The following COL2A1 variants were observed in gnomAD, a reference collection of about 807,000 sequenced individuals.
The protein encoded by COL2A1 is collagen alpha-1(II) chain.
Under a neutral mutation model 204.5 loss-of-function variants are expected in COL2A1, and 28 were observed. That is an observed-to-expected ratio of 0.14 (90% CI 0.10 to 0.19). COL2A1 has a LOEUF of 0.19. Among genes scored for constraint, COL2A1 ranks in the 10% least tolerant of loss-of-function variants. The pLI is 1.00. For missense variants in COL2A1, 1,388 were observed against 2,027.5 expected (o/e 0.68, Z 6.06); for synonymous variants, 708 against 718.7 (o/e 0.99, Z 0.24).
chr12:47,974,391 G>T, intron 52 of COL2A1, 60 bp from the exon 53 acceptor site: 2 of 1,598,082 alleles, frequency 1.3e-6, no homozygotes, highest in Non-Finnish European at 1.7e-6. Flanking sequence ...GGGACCAGGG[G>T]CTGTAGGGGC....
In COL2A1 at chr12:47,997,689, C is replaced by T. The variant is rs762532133; in HGVS notation, c.448G>A (p.Gly150Ser). The T allele has an allele frequency of 6.2e-7, 1 of 1,613,868 alleles. No individual in the cohort carries two copies. The highest frequency in any genetic ancestry group is 2.2e-5 in the East Asian group (1 of 44,880). Reference protein sequence around the residue: ...KGEKGAPGPRGRDGEPGTPGN... With the variant: ...KGEKGAPGPRSRDGEPGTPGN... Reference sequence around the variant, plus strand: ...GGGGTCCCAGGTTCTCCATCTCTGCCACGAGGTCCAGGGGCACCCTTGGCA... The same window carrying T: ...GGGGTCCCAGGTTCTCCATCTCTGCTACGAGGTCCAGGGGCACCCTTGGCA... The change falls in exon 7 of 54, where the codon GGC becomes AGC. Residue 150 changes from glycine to serine, a missense_variant. Physicochemically the swap from Gly to Ser is moderately conservative, Grantham distance 56 (BLOSUM62 0). Coordinates refer to ENST00000380518, the MANE Select transcript of COL2A1 (RefSeq NM_001844.5).
rs560149744 is a variant in COL2A1 at position 47,987,090 on chromosome 12, C to T, written c.1353G>A (p.Pro451=). Residue 451 remains proline (P), a synonymous_variant, in exon 21 of 54, where the codon CCG becomes CCA. Transcript: ENST00000380518. This position sits in a 1 kb window ranked among gnomAD's most constrained non-coding sequence, Gnocchi z 4.1. Reference sequence around the variant, plus strand: ...TTTGGGCTCTTACCGTCTGACCTTTCGGGCCCAGAGGACCAGTTGCACCTT... The same window carrying T: ...TTTGGGCTCTTACCGTCTGACCTTTTGGGCCCAGAGGACCAGTTGCACCTT... ...GPQGATGPLG[P]KGQTGEPGIA... The T allele has an allele frequency of 4.5e-5, 72 of 1,614,042 alleles. 1 individual carries two copies. The South Asian group carries it at 7.4e-4, about 16-fold the overall frequency.
chr12:47,993,925 G>A (rs751519793), intron 13 of COL2A1, 63 bp from the exon 14 acceptor site: 28 of 1,610,330 alleles, frequency 1.7e-5, no homozygotes, highest in African/African-American at 4.0e-5. Context: ...AGAAATGCAC[G>A]CACCCCAAAG....
chr12:47,998,293 C>G, intron 3 of COL2A1, 92 bp from the exon 4 acceptor site: 7 of 1,568,086 alleles, frequency 4.5e-6, no homozygotes, highest in Non-Finnish European at 6.1e-6. Context: ...TTGAGGTACC[C>G]TCTGAAACAG....
rs1211703234 is a variant in COL2A1, at chr12:47,992,802, G to A, written c.1023+76C>T. On this transcript the variant is annotated intron_variant, in intron 16 of 53. Coordinates refer to ENST00000380518, the MANE Select transcript of COL2A1 (RefSeq NM_001844.5). ...TCCCTATGCCTCACAGGGTTGTTTC[G>A]AGGGTCAAGAGAAACAAACCTGTAA... 1.5e-5 allele frequency: 23 copies of A among 1,485,046 alleles called. 1 individual carries two copies. The highest frequency in any genetic ancestry group is 2.3e-5 in the East Asian group (1 of 44,210). The allele number at this position is 1,485,046 out of a possible 1,614,324, so 92.0% of individuals were successfully genotyped here. A position where few individuals can be genotyped will look rare whatever the true frequency, so the allele number is the denominator to read the frequency against.
At chr12:47,998,251 C>T (rs770374445) in intron 3 of COL2A1, 50 bp from the exon 4 acceptor site, 2 of 1,613,156 alleles carry the variant, frequency 1.2e-6, no homozygotes, top group East Asian at 4.5e-5. Flanking sequence ...CCACTAAGCC[C>T]CTAGTCTAAA....
At chr12:47,985,468 T>C (rs778787181) in intron 26 of COL2A1, 66 bp downstream of exon 26, 7 of 1,537,430 alleles carry the variant, frequency 4.6e-6, no homozygotes, top group Non-Finnish European at 6.3e-6. Flanking sequence ...ACTCCATCTC[T>C]CTTTTCCCTT....
Position 47,999,569 on chromosome 12 carries a change from T to G in COL2A1, c.292+350A>C, listed in dbSNP as rs533614922. 1.4e-4 allele frequency: 38 copies of G among 270,632 alleles called. No individual in the cohort carries two copies. In the South Asian group the frequency reaches 1.7e-3, roughly 12 times the overall value. The allele number at this position is 270,632 out of a possible 1,614,324, so 16.8% of individuals were successfully genotyped here. ...GCAGAGGAGGAATTAATTCGTGGAT[T>G]GGCCAGACAGAGCATTTGATCTCCA... On this transcript the variant is annotated intron_variant, in intron 2 of 53. Transcript: ENST00000380518.
At chr12:47,983,895 C>T in intron 29 of COL2A1, 159 bp from the exon 30 acceptor site, 1 of 932,628 alleles carries the variant, frequency 1.1e-6, no homozygotes, top group Non-Finnish European at 1.7e-6. Context: ...CCATCAGCCA[C>T]CCACACTCCT....
At chr12:48,000,407 A>G (rs1054525825) in intron 1 of COL2A1, among the ~76,000 whole-genome samples, 9 of 152,180 alleles carry the variant, frequency 5.9e-5, no homozygotes, top group African/African-American at 2.2e-4. Context: ...ACTATACTAT[A>G]TTCTCTTTAC....
rs1635559 is a variant in COL2A1 at position 47,975,585 on chromosome 12, T to C, written c.3618A>G (p.Gly1206=). ...TGPAGPPGNP[G]PPGPPGPPGP... ...CAGGGGGACCTGGAGGACCAGGGGG[T>C]CCAGGATTTCCAGGAGGACCCTGCA... Residue 1206 remains glycine, a synonymous_variant, in exon 51 of 54, where the codon GGA becomes GGG. Coordinates refer to ENST00000380518, the MANE Select transcript of COL2A1 (RefSeq NM_001844.5). 2 of 1,600,018 alleles carry C rather than the reference T, an allele frequency of 1.2e-6. No homozygotes were observed. The highest frequency in any genetic ancestry group is 1.7e-6 in the Non-Finnish European group (2 of 1,179,714).
chr12:47,974,037 G>A, intron 53 of COL2A1, 52 bp downstream of exon 53: 1 of 1,613,742 alleles, frequency 6.2e-7, no homozygotes, highest in East Asian at 2.2e-5. Flanking sequence ...CCTCAGCCCT[G>A]CTCCAGGCGG....
chr12:48,004,537 C>T (rs1488383380), upstream of COL2A1: 12 of 488,092 alleles, frequency 2.5e-5, no homozygotes, highest in East Asian at 4.2e-4. Context: ...CTGGCGAACT[C>T]GCCCAAACCG....
rs1652197741 is a variant in COL2A1, at chr12:47,987,058, G to A, written c.1365+20C>T. On this transcript the variant is annotated intron_variant, in intron 21 of 53. Transcript: ENST00000380518. This position sits in a 1 kb window ranked among gnomAD's most constrained non-coding sequence, Gnocchi z 4.1. ...CTCCAGAGATGTCAGTGGAACTTGGGGGTCACTTTGGGCTCTTACCGTCTG... is the reference window on the plus strand; with the variant it reads ...CTCCAGAGATGTCAGTGGAACTTGGAGGTCACTTTGGGCTCTTACCGTCTG... 4 of 1,610,252 alleles carry A rather than the reference G, an allele frequency of 2.5e-6. No individual in the cohort carries two copies. Among genetic ancestry groups the A allele is most frequent in the Non-Finnish European group, 3.4e-6 (4 of 1,176,458 alleles).
Position 47,975,987 on chromosome 12 carries a change from T to C in COL2A1, c.3573A>G (p.Gly1191=). ...PGPIGPPGPR[G]RSGETGPAGP... Reference sequence around the variant, plus strand: ...CAGCAGGGCCGGTTTCGCCTGATCGTCCACGGGGACCAGGAGGCCCAATGG... The same window carrying C: ...CAGCAGGGCCGGTTTCGCCTGATCGCCCACGGGGACCAGGAGGCCCAATGG... The change falls in exon 50 of 54, where the codon GGA becomes GGG. Residue 1191 remains glycine (G), a synonymous_variant. Transcript: ENST00000380518. The C allele has an allele frequency of 6.2e-7, 1 of 1,613,794 alleles. No homozygotes were observed. Among genetic ancestry groups the C allele is most frequent in the Non-Finnish European group, 8.5e-7 (1 of 1,179,758 alleles).
Position 47,982,791 on chromosome 12 carries a change from G to A in COL2A1, c.2193+57C>T, listed in dbSNP as rs55967487. Reference sequence around the variant, plus strand: ...TCCTGAGCCCGCTCCTCTTCTCCCTGCTCAGTGGGACTCCCAGGCTACCAC... The same window carrying A: ...TCCTGAGCCCGCTCCTCTTCTCCCTACTCAGTGGGACTCCCAGGCTACCAC... On this transcript the variant is annotated intron_variant, in intron 33 of 53. Coordinates refer to ENST00000380518, the MANE Select transcript of COL2A1 (RefSeq NM_001844.5). The A allele has an allele frequency of 0.061, 89,774 of 1,479,370 alleles. 3,185 individuals are homozygous for A. Among genetic ancestry groups the A allele is most frequent in the Non-Finnish European group, 0.071 (76,137 of 1,065,830 alleles). The allele number at this position is 1,479,370 out of a possible 1,614,324, so 91.6% of individuals were successfully genotyped here.
At position 47,981,807 on chromosome 12, in the gene COL2A1, G is replaced by T; in HGVS notation, c.2378C>A (p.Pro793His). Residue 793 changes from proline (P) to histidine (H), a missense_variant, in exon 36 of 54, where the codon CCC becomes CAC. Physicochemically the swap from Pro to His is moderately conservative, Grantham distance 77. Around this residue, in one of 3 missense-constraint regions of COL2A1, gnomAD observed 884 missense variants for 1,415.8 expected, o/e 0.62. Transcript: ENST00000380518. Reference protein sequence around the residue: ...GGRGLTGPIGPPGPAGANGEK... With the variant: ...GGRGLTGPIGHPGPAGANGEK... ...GCCATTAGCACCAGCTGGGCCAGGG[G>T]GGCCAATGGGACCTGTCAGGCCCTG... 1 of 1,554,690 alleles carries T rather than the reference G, an allele frequency of 6.4e-7. No individual in the cohort carries two copies. Among genetic ancestry groups the T allele is most frequent in the South Asian group, 1.2e-5 (1 of 84,358 alleles).
Position 47,973,485 on chromosome 12 carries a change from G to C in COL2A1, c.4386C>G (p.Ile1462Met). The part of the protein sequence containing the change: ...YRSQKTSRLP[I>M]IDIAPMDIGG... Reference sequence around the variant, plus strand: ...CTATGTCCATGGGTGCAATGTCAATGATGGGGAGGCGTGAGGTCTTCTGTG... The same window carrying C: ...CTATGTCCATGGGTGCAATGTCAATCATGGGGAGGCGTGAGGTCTTCTGTG... Residue 1462 changes from isoleucine to methionine, a missense_variant, in exon 54 of 54, where the codon ATC becomes ATG. Transcript: ENST00000380518. 1.2e-6 allele frequency: 2 copies of C among 1,614,134 alleles called. No individual in the cohort carries two copies. The highest frequency in any genetic ancestry group is 1.1e-5 in the South Asian group (1 of 91,078).
chr12:47,998,177 T>C lies in COL2A1; in HGVS notation c.334A>G (p.Ile112Val), dbSNP rs777293765. The change falls in exon 4 of 54, where the codon ATC becomes GTC. Residue 112 changes from isoleucine (I) to valine (V), a missense_variant. By Grantham distance (29) the Ile-to-Val change is conservative. Around this residue, in one of 3 missense-constraint regions of COL2A1, gnomAD observed 201 missense variants for 242.4 expected, o/e 0.83. Transcript: ENST00000380518. ...GAATAATTTGCACTTACATCCTTGA[T>C]GTCTCCAGGTTCTCCTTTCTGTCCC... is the stretch of plus-strand genomic sequence containing the variant. Reference protein sequence around the residue: ...PKGQKGEPGDIKDIVGPKGPP... With the variant: ...PKGQKGEPGDVKDIVGPKGPP... The C allele has an allele frequency of 1.2e-6, 2 of 1,614,078 alleles. No homozygotes were observed. The highest frequency in any genetic ancestry group is 8.5e-7 in the Non-Finnish European group (1 of 1,180,046).
Sources: gnomAD v4.1 joint callset for allele counts (sites outside exome capture counted in the v4.1 genomes callset) on GRCh38, gnomAD v4.1.1 for gene constraint, gnomAD v4.1.1 regional missense constraint, Gnocchi (gnomAD v3.1) non-coding constraint, MANE v1.5 for transcripts, NCBI Gene and HGNC (gene_info 2026-07-23, HGNC 2026-07-21) for gene names.